The following SUPT3H variants were observed in gnomAD, a reference collection of about 807,000 sequenced individuals.
The protein encoded by SUPT3H is SPT3 homolog, SAGA and STAGA complex component.
A neutral mutation model predicts 44.3 loss-of-function variants in SUPT3H; 44 were observed. The ratio of observed to expected loss-of-function variants is 0.99; its 90% CI spans 0.78 to 1.28. SUPT3H has a LOEUF of 1.28. Among genes scored for constraint, SUPT3H ranks in the 50% most tolerant of loss-of-function variants. The pLI, the probability that SUPT3H is intolerant of heterozygous loss-of-function variation, is 0.00. For synonymous variants in SUPT3H, 124 were observed against 125.6 expected (o/e 0.99, Z 0.09); for missense variants, 380 against 387.1 (o/e 0.98, Z 0.15).
chr6:44,936,713 G>A (rs1771489000), intron 9 of SUPT3H, among the ~76,000 whole-genome samples: 1 of 152,128 alleles, frequency 6.6e-6, no homozygotes, highest in Non-Finnish European at 1.5e-5. Context: ...TGTCCCCCGG[G>A]CTGGAGTACA....
intron 3 of SUPT3H, among the ~76,000 whole-genome samples, chr6:45,031,879 T>C (rs1044313712): frequency 1.3e-5 from 2 of 151,924 alleles, no homozygotes; most frequent in African/African-American, 4.8e-5. Flanking sequence ...AAGTATGGGG[T>C]TGGGTTCTTA....
intron 9 of SUPT3H, among the ~76,000 whole-genome samples, chr6:44,946,766 GGACTTA>G (rs1318243970): frequency 6.6e-6 from 1 of 152,154 alleles, no homozygotes; most frequent in African/African-American, 2.4e-5. Flanking sequence ...CTCCTACAAA[GGACTTA>G]GACTTAGTTC....
intron 1 of SUPT3H, chr6:45,377,414 T>C (rs923070590): frequency 6.6e-6 from 1 of 151,950 alleles, no homozygotes; most frequent in Non-Finnish European, 1.5e-5. Context: ...TTTCCCTCTT[T>C]AATGATTCCT....
chr6:45,138,809 A>G (rs1164403538), intron 2 of SUPT3H, among the ~76,000 whole-genome samples: 1 of 152,212 alleles, frequency 6.6e-6, no homozygotes, highest in African/African-American at 2.4e-5. Flanking sequence ...CTATAAATTT[A>G]CTAAAAATCA....
chr6:45,243,264 G>A (rs189495529), intron 2 of SUPT3H, among the ~76,000 whole-genome samples: 52 of 141,058 alleles, frequency 3.7e-4, no homozygotes, highest in South Asian at 1.1e-3. Context: ...AAAATGAGCA[G>A]ACAAAAAAAT....
intron 2 of SUPT3H, among the ~76,000 whole-genome samples, chr6:45,204,119 T>C (rs1351053455): frequency 6.6e-6 from 1 of 151,804 alleles, no homozygotes; most frequent in Non-Finnish European, 1.5e-5. Context: ...TGGTGGTGCA[T>C]GCCTATAGTC....
At chr6:45,363,160 A>G (rs986937327) in intron 2 of SUPT3H, among the ~76,000 whole-genome samples, 2 of 152,094 alleles carry the variant, frequency 1.3e-5, no homozygotes, top group African/African-American at 2.4e-5. Context: ...CAAATACTCA[A>G]CTCTGGCACA....
intron 9 of SUPT3H, among the ~76,000 whole-genome samples, chr6:44,947,047 G>T (rs574619991): frequency 1.2e-4 from 18 of 152,206 alleles, no homozygotes. Flanking sequence ...CCAGCAAAAA[G>T]ATTATGACAT....
At chr6:45,075,721 C>T (rs974371078) in intron 3 of SUPT3H, among the ~76,000 whole-genome samples, 8 of 152,132 alleles carry the variant, frequency 5.3e-5, no homozygotes, top group East Asian at 1.9e-4. Flanking sequence ...TTAACATACA[C>T]GATATACCTG....
At chr6:45,238,375 T>C (rs973546261) in intron 2 of SUPT3H, among the ~76,000 whole-genome samples, 5 of 152,186 alleles carry the variant, frequency 3.3e-5, no homozygotes, top group African/African-American at 1.2e-4. Context: ...AAACACTGAA[T>C]GACTTTCAAA....
intron 9 of SUPT3H, among the ~76,000 whole-genome samples, chr6:44,948,855 T>C (rs1773791445): frequency 6.6e-6 from 1 of 152,144 alleles, no homozygotes; most frequent in African/African-American, 2.4e-5. Context: ...AATCTAGAAC[T>C]AGAAATACCA....
At chr6:45,299,766 AATT>A in intron 2 of SUPT3H, among the ~76,000 whole-genome samples, 1 of 151,900 alleles carries the variant, frequency 6.6e-6, no homozygotes, top group Non-Finnish European at 1.5e-5. Context: ...AAAAAAAAAA[AATT>A]AATTAATTAA....
chr6:44,963,730 T>C (rs1285448054), intron 6 of SUPT3H, among the ~76,000 whole-genome samples: 1 of 152,166 alleles, frequency 6.6e-6, no homozygotes, highest in African/African-American at 2.4e-5. Context: ...CTGGGCACGG[T>C]GGCTCATGCC....
chr6:45,288,562 T>C (rs1779722216), intron 2 of SUPT3H, among the ~76,000 whole-genome samples: 1 of 13,594 alleles, frequency 7.4e-5, no homozygotes, highest in Non-Finnish European at 1.4e-4. Flanking sequence ...TATATATATA[T>C]ATGTATATAT....
intron 3 of SUPT3H, among the ~76,000 whole-genome samples, chr6:45,026,456 A>ACT (rs1786020211): frequency 6.6e-6 from 1 of 152,168 alleles, no homozygotes; most frequent in Non-Finnish European, 1.5e-5. Flanking sequence ...AGTGGTAATA[A>ACT]TAGTGGCCAT....
intron 2 of SUPT3H, among the ~76,000 whole-genome samples, chr6:45,189,303 A>G (rs1230994569): frequency 2.0e-5 from 3 of 152,198 alleles, no homozygotes; most frequent in Non-Finnish European, 4.4e-5. Flanking sequence ...TATAAATCAC[A>G]AGGTTCAAAG....
At chr6:45,074,180 ACTATCTAT>A (rs1472242392) in intron 3 of SUPT3H, among the ~76,000 whole-genome samples, 1 of 152,032 alleles carries the variant, frequency 6.6e-6, no homozygotes, top group Non-Finnish European at 1.5e-5. Context: ...AAAAAGCTCC[ACTATCTAT>A]CTAACTCAAT....
chr6:44,944,351 G>C (rs1772940490), intron 9 of SUPT3H, among the ~76,000 whole-genome samples: 1 of 151,990 alleles, frequency 6.6e-6, no homozygotes, highest in Non-Finnish European at 1.5e-5. Flanking sequence ...ACAGGAAAGA[G>C]AAACAGATAA....
At chr6:45,242,932 C>T (rs111750056) in intron 2 of SUPT3H, among the ~76,000 whole-genome samples, 7 of 152,216 alleles carry the variant, frequency 4.6e-5, no homozygotes, top group African/African-American at 1.7e-4. Context: ...TGGTGGCTCA[C>T]GCCTGTAATC....
Sources: allele counts gnomAD v4.1 joint callset (sites outside exome capture counted in the v4.1 genomes callset), GRCh38; gene constraint gnomAD v4.1.1; transcripts MANE v1.5; gene names NCBI Gene and HGNC (gene_info 2026-07-23, HGNC 2026-07-21).